Variants in PRKN observed in about 807,000 individuals in gnomAD.
PRKN encodes parkin RBR E3 ubiquitin protein ligase.
Under a neutral mutation model 59.5 loss-of-function variants are expected in PRKN, and 56 were observed. The ratio of observed to expected loss-of-function variants is 0.94; its 90% CI spans 0.76 to 1.18. The LOEUF is 1.18. PRKN is among the 50% of genes most tolerant of loss of function. PRKN has a pLI of 0.00. For missense variants in PRKN, 657 were observed against 596.4 expected (o/e 1.10, Z -1.06); for synonymous variants, 250 against 222.1 (o/e 1.13, Z -1.12).
At chr6:161,833,934 G>A (rs1008251466) in intron 6 of PRKN, among the ~76,000 whole-genome samples, 4 of 152,054 alleles carry the variant, frequency 2.6e-5, no homozygotes, top group East Asian at 1.9e-4. Context: ...CTCATGATTC[G>A]TTTTTTATTT....
chr6:161,383,678 C>T (rs1786096124), intron 10 of PRKN, among the ~76,000 whole-genome samples: 1 of 152,220 alleles, frequency 6.6e-6, no homozygotes, highest in Admixed American at 6.5e-5. Flanking sequence ...CCTGCCTTTA[C>T]AGGCCTGGGG....
At chr6:162,087,662 C>T (rs538504994) in intron 4 of PRKN, among the ~76,000 whole-genome samples, 253 of 143,932 alleles carry the variant, frequency 1.8e-3, no homozygotes, top group African/African-American at 6.2e-3. Flanking sequence ...GGCGCGATCT[C>T]GGCTCACTGC....
At chr6:162,226,528 TTTTGTTTGTTTG>T (rs571010953) in intron 3 of PRKN, among the ~76,000 whole-genome samples, 1 of 152,050 alleles carries the variant, frequency 6.6e-6, no homozygotes, top group Non-Finnish European at 1.5e-5. Context: ...ACACCAAGAA[TTTTGTTTGTTTG>T]TTTGTTTGTT....
intron 1 of PRKN, among the ~76,000 whole-genome samples, chr6:162,723,303 A>G (rs1779005289): frequency 6.6e-6 from 1 of 152,232 alleles, no homozygotes; most frequent in Admixed American, 6.5e-5. Context: ...ATTAATTTGA[A>G]AAGTTAAAAG....
intron 9 of PRKN, among the ~76,000 whole-genome samples, chr6:161,489,281 C>T (rs377164137): frequency 2.0e-5 from 3 of 151,406 alleles, no homozygotes; most frequent in South Asian, 2.1e-4. Context: ...AATTTCTGGC[C>T]GGGCACAGTG....
In PRKN at chr6:161,507,351, C is replaced by A. The variant is rs571089320; in HGVS notation, c.1083+41503G>T. Among the ~76,000 whole-genome samples, 22 of 152,224 alleles carry A rather than the reference C, an allele frequency of 1.4e-4. No homozygotes were observed. In the South Asian group the frequency reaches 3.1e-3, roughly 22 times the overall value. On this transcript the variant is annotated intron_variant, in intron 9 of 11. Transcript: ENST00000366898. ...GCTCATCTCTATGAAATGGAATGAT[C>A]CATTTCCTATCAAGTGAATTTGGGG...
chr6:161,686,387 C>G (rs183231414), intron 7 of PRKN, among the ~76,000 whole-genome samples: 1 of 152,280 alleles, frequency 6.6e-6, no homozygotes, highest in Non-Finnish European at 1.5e-5. Context: ...TGTTTACATC[C>G]TACTTATCTA....
intron 7 of PRKN, among the ~76,000 whole-genome samples, chr6:161,756,999 T>C (rs907882631): frequency 6.6e-6 from 1 of 152,134 alleles, no homozygotes; most frequent in African/African-American, 2.4e-5. Flanking sequence ...AAAAGGATAC[T>C]CTCTTCAGTG....
At chr6:162,549,350 T>C (rs912741893) in intron 1 of PRKN, among the ~76,000 whole-genome samples, 1 of 152,158 alleles carries the variant, frequency 6.6e-6, no homozygotes, top group African/African-American at 2.4e-5. Flanking sequence ...AAAACACAGG[T>C]TTCTATGAAG....
At chr6:162,313,236 T>C (rs1313074636) in intron 2 of PRKN, among the ~76,000 whole-genome samples, 1 of 152,118 alleles carries the variant, frequency 6.6e-6, no homozygotes, top group Non-Finnish European at 1.5e-5. Flanking sequence ...TGAAACTCTA[T>C]ACTCATTAAA....
At chr6:162,076,660 A>T (rs1278183036) in intron 4 of PRKN, among the ~76,000 whole-genome samples, 1 of 152,178 alleles carries the variant, frequency 6.6e-6, no homozygotes, top group Non-Finnish European at 1.5e-5. Context: ...AACCAGCTAC[A>T]GTTTATTCTG....
rs1787354459 is a variant in PRKN at position 161,407,970 on chromosome 6, T to A, written c.1084-21093A>T. On this transcript the variant is annotated intron_variant, in intron 9 of 11. Transcript: ENST00000366898. The surrounding 1 kb of genome is among the most constrained non-coding windows in gnomAD (Gnocchi z 4.9). ...CCTATAAAGCTGCCCCTCTCCTATC[T>A]CCCTTCGCTGACTCTCTTTTTGGAC... Among the ~76,000 whole-genome samples, 3 of 152,074 alleles carry A rather than the reference T, an allele frequency of 2.0e-5. No individual in the cohort carries two copies. Among genetic ancestry groups the A allele is most frequent in the Admixed American group, 6.6e-5 (1 of 15,262 alleles).
At chr6:161,482,089 G>T (rs1212116811) in intron 9 of PRKN, among the ~76,000 whole-genome samples, 1 of 151,958 alleles carries the variant, frequency 6.6e-6, no homozygotes, top group African/African-American at 2.4e-5. Context: ...AATGTAGGTG[G>T]CTTTCAAAGA....
chr6:162,459,044 T>C (rs1791039200), intron 1 of PRKN, among the ~76,000 whole-genome samples: 1 of 152,102 alleles, frequency 6.6e-6, no homozygotes, highest in African/African-American at 2.4e-5. Context: ...GGACTTCAAC[T>C]CCTGACCCCA....
At chr6:161,779,674 C>T (rs1790121798) in intron 7 of PRKN, among the ~76,000 whole-genome samples, 1 of 151,926 alleles carries the variant, frequency 6.6e-6, no homozygotes, top group Non-Finnish European at 1.5e-5. Flanking sequence ...CATGCCTAGC[C>T]TCAAGTGATC....
At chr6:161,663,002 G>C (rs1013569267) in intron 7 of PRKN, among the ~76,000 whole-genome samples, 1 of 152,112 alleles carries the variant, frequency 6.6e-6, no homozygotes, top group Non-Finnish European at 1.5e-5. Flanking sequence ...GGTTTTTCCC[G>C]TGCTGTTGTC....
rs1478823028 is a variant in PRKN at position 161,386,667 on chromosome 6, T to C, written c.1167+127A>G. On this transcript the variant is annotated intron_variant, in intron 10 of 11. Coordinates refer to ENST00000366898, the MANE Select transcript of PRKN (RefSeq NM_004562.3). The surrounding 1 kb of genome is among the most constrained non-coding windows in gnomAD (Gnocchi z 4.3). ...GGGAGAAGCCACGGCCCCATTCCCA[T>C]GGCTGTCAGCTACCAGTCTGCTTCT... 5 of 796,182 alleles carry C rather than the reference T, an allele frequency of 6.3e-6. No individual in the cohort carries two copies. Among genetic ancestry groups the C allele is most frequent in the East Asian group, 2.5e-5 (1 of 40,184 alleles). The allele number at this position is 796,182 out of a possible 1,614,324, so 49.3% of individuals were successfully genotyped here.
At chr6:161,678,720 A>G (rs931447936) in intron 7 of PRKN, among the ~76,000 whole-genome samples, 5 of 151,934 alleles carry the variant, frequency 3.3e-5, no homozygotes, top group African/African-American at 9.7e-5. Context: ...GTGCACCACC[A>G]TGCCTGGCTA....
At chr6:162,627,998 G>A (rs1782962806) in intron 1 of PRKN, among the ~76,000 whole-genome samples, 2 of 152,126 alleles carry the variant, frequency 1.3e-5, no homozygotes, top group Non-Finnish European at 1.5e-5. Flanking sequence ...ATGAACATGG[G>A]CTACAGGGAG....
Sources: gnomAD v4.1 joint callset for allele counts (sites outside exome capture counted in the v4.1 genomes callset) on GRCh38, gnomAD v4.1.1 for gene constraint, Gnocchi (gnomAD v3.1) non-coding constraint, MANE v1.5 for transcripts, NCBI Gene and HGNC (gene_info 2026-07-23, HGNC 2026-07-21) for gene names.